The following FCGR2B variants were observed in gnomAD, a reference collection of about 807,000 sequenced individuals.
FCGR2B encodes the protein low affinity immunoglobulin gamma Fc region receptor II-b.
A neutral mutation model predicts 24.8 loss-of-function variants in FCGR2B; 18 were observed. The ratio of observed to expected loss-of-function variants is 0.73; its 90% CI spans 0.50 to 1.08. The LOEUF is 1.08. FCGR2B is among the 50% of genes least tolerant of loss of function. The pLI is 0.00. For synonymous variants in FCGR2B, 79 were observed against 109.8 expected, an observed-to-expected ratio of 0.72 and a Z score of 1.75; for missense variants, 215 against 297.6, an observed-to-expected ratio of 0.72 and a Z score of 2.04.
Position 161,672,613 on chromosome 1 carries a change from G to A in FCGR2B, c.392-362G>A, listed in dbSNP as rs1681767094. 9 of 358,274 alleles carry A rather than the reference G, an allele frequency of 2.5e-5. No individual in the cohort carries two copies. In the South Asian group the frequency reaches 3.5e-4, roughly 14 times the overall value. 22.2% of individuals were successfully genotyped at this position (358,274 alleles called of 1,614,324 possible). A position where few individuals can be genotyped will look rare whatever the true frequency, so the allele number is the denominator to read the frequency against. ...CTTCCCTCCTCGACATGGAAGAGAT[G>A]GCATCTTAGGGTCTCTTGTGTTCTT... On this transcript the variant is annotated intron_variant, in intron 3 of 7. Transcript: ENST00000358671.
the FCGR2B span, among the ~76,000 whole-genome samples, chr1:161,652,417 T>C: frequency 6.7e-5 from 9 of 134,040 alleles, 1 homozygote; most frequent in Non-Finnish European, 1.3e-4. Flanking sequence ...TCTTCTCTTT[T>C]ACTCTGTTTC....
At position 161,673,709 on chromosome 1, in the gene FCGR2B, G is replaced by A. The variant is rs1208530699; in HGVS notation, c.647-251G>A. The A allele has an allele frequency of 2.3e-5, 11 of 470,132 alleles. No individual in the cohort carries two copies. In the East Asian group the frequency reaches 3.1e-4, roughly 13 times the overall value. 29.1% of individuals were successfully genotyped at this position (470,132 alleles called of 1,614,324 possible). On this transcript the variant is annotated intron_variant, in intron 4 of 7. Coordinates refer to ENST00000358671, the MANE Select transcript of FCGR2B (RefSeq NM_001394477.1). Reference sequence around the variant, plus strand: ...CCACTGCCCCTGAGGGCTAAGGGGAGCCCTTCCCTCTGTTCCTGCCTGCTC... The same window carrying A: ...CCACTGCCCCTGAGGGCTAAGGGGAACCCTTCCCTCTGTTCCTGCCTGCTC...
chr1:161,655,866 T>TATTTATTTATTTATTTATTTATTG, the FCGR2B span, among the ~76,000 whole-genome samples: 1 of 81,480 alleles, frequency 1.2e-5, no homozygotes, highest in Non-Finnish European at 3.0e-5. Flanking sequence ...TTTATTTATT[T>TATTTATTTATTTATTTATTTATTG]ATTTTGAGAC....
chr1:161,661,241 AGAAAGAAAGAAAGAAAGAAAGG>A, upstream of FCGR2B, among the ~76,000 whole-genome samples: 1 of 80,888 alleles, frequency 1.2e-5, no homozygotes, highest in Non-Finnish European at 2.8e-5. Flanking sequence ...AAAGAAAGAA[AGAAAGAAAGAAAGAAAGAAAGG>A]AAGGAAGCAA....
Position 161,675,267 on chromosome 1 carries a change from A to T in FCGR2B, c.771A>T (p.Gly257=). 6.2e-7 allele frequency: 1 copy of T among 1,606,564 alleles called. No individual in the cohort carries two copies. Among genetic ancestry groups the T allele is most frequent in the Non-Finnish European group, 8.5e-7 (1 of 1,177,094 alleles). The change falls in exon 6 of 8, where the codon GGA becomes GGT. Residue 257 remains glycine, a synonymous_variant. Coordinates refer to ENST00000358671, the MANE Select transcript of FCGR2B (RefSeq NM_001394477.1). ...CRKKRISALP[G]YPECREMGET... Reference sequence around the variant, plus strand: ...GTGTGCCCCTCCCAGCTCTCCCAGGATACCCTGAGTGCAGGGAAATGGGAG... The same window carrying T: ...GTGTGCCCCTCCCAGCTCTCCCAGGTTACCCTGAGTGCAGGGAAATGGGAG...
At chr1:161,656,126 G>T in the FCGR2B span, among the ~76,000 whole-genome samples, 2 of 127,726 alleles carry the variant, frequency 1.6e-5, 1 homozygote, top group African/African-American at 5.3e-5. Flanking sequence ...CAAAGTGCTG[G>T]GATTACAGGC....
At chr1:161,661,189 GGAAAGAAAGAAAGAAA>G (rs201423251), upstream of FCGR2B, among the ~76,000 whole-genome samples, 3,295 of 69,842 alleles carry the variant, frequency 0.047, 156 homozygotes, top group Middle Eastern at 0.07. Flanking sequence ...AAGGAAGAAA[GGAAAGAAAGAAAGAAA>G]GAAAGAAAGA....
At chr1:161,661,182 G>A (rs143088849), upstream of FCGR2B, among the ~76,000 whole-genome samples, 1 of 98,184 alleles carries the variant, frequency 1.0e-5, no homozygotes, top group Non-Finnish European at 2.0e-5. Context: ...AGGAAGGAAG[G>A]AAGAAAGGAA....
chr1:161,656,144 G>A, the FCGR2B span, among the ~76,000 whole-genome samples: 62,441 of 106,462 alleles, frequency 0.59, 16,844 homozygotes, highest in Non-Finnish European at 0.63. Context: ...GGCATCAGGC[G>A]TCGTGCCCAG....
chr1:161,674,916 C>T (rs1681983909), intron 5 of FCGR2B: 1 of 216,058 alleles, frequency 4.6e-6, no homozygotes, highest in South Asian at 1.5e-4. Context: ...TCATAGCCAA[C>T]ACCTCAGTTA....
At chr1:161,647,828 T>C in the FCGR2B span, among the ~76,000 whole-genome samples, 7 of 151,094 alleles carry the variant, frequency 4.6e-5, 1 homozygote, top group African/African-American at 1.5e-4. Context: ...AACATTCTCC[T>C]CAGGTCAAGG....
upstream of FCGR2B, among the ~76,000 whole-genome samples, chr1:161,661,398 C>G (rs1404364735): frequency 8.6e-5 from 10 of 115,652 alleles, no homozygotes; most frequent in African/African-American, 3.6e-4. Flanking sequence ...ATTCCCCTAC[C>G]TGCTACTTTT....
Position 161,677,529 on chromosome 1 carries a change from G to T in FCGR2B, c.909G>T (p.Glu303Asp). The T allele has an allele frequency of 6.2e-7, 1 of 1,613,764 alleles. No homozygotes were observed. The highest frequency in any genetic ancestry group is 8.5e-7 in the Non-Finnish European group (1 of 1,179,746). Residue 303 changes from glutamate (E) to aspartate (D), a missense_variant, in exon 8 of 8, where the codon GAG becomes GAT. Physicochemically the swap from Glu to Asp is conservative, Grantham distance 45. Around this residue, in one of 5 missense-constraint regions of FCGR2B, gnomAD observed 81 missense variants for 81.6 expected, o/e 0.99. Coordinates refer to ENST00000358671, the MANE Select transcript of FCGR2B (RefSeq NM_001394477.1). ...SLLMHPDALEEPDDQNRI is the reference protein window; with the variant it reads ...SLLMHPDALEDPDDQNRI Reference sequence around the variant, plus strand: ...TCATGCACCCGGATGCTCTGGAAGAGCCTGATGACCAGAACCGTATTTAGT... The same window carrying T: ...TCATGCACCCGGATGCTCTGGAAGATCCTGATGACCAGAACCGTATTTAGT...
the FCGR2B span, among the ~76,000 whole-genome samples, chr1:161,656,258 A>C: frequency 6.8e-6 from 1 of 147,016 alleles, no homozygotes; most frequent in Admixed American, 7.0e-5. Flanking sequence ...TATCTTTCCC[A>C]TTGTAATGAG....
At chr1:161,675,509 G>C (rs1294881066) in intron 6 of FCGR2B, 196 bp downstream of exon 6, 1 of 469,896 alleles carries the variant, frequency 2.1e-6, no homozygotes, top group Non-Finnish European at 3.8e-6. Context: ...CTCTGGAGAT[G>C]AGAAGAGAAA....
At chr1:161,649,397 C>T in the FCGR2B span, among the ~76,000 whole-genome samples, 6 of 150,952 alleles carry the variant, frequency 4.0e-5, no homozygotes, top group Non-Finnish European at 7.4e-5. Flanking sequence ...TTTCTTGAGC[C>T]ATTTCAGCAC....
In FCGR2B at chr1:161,675,154, T is replaced by G. The variant is rs10917667; in HGVS notation, c.761-103T>G. 2.1e-3 allele frequency: 1,530 copies of G among 745,566 alleles called. 1 individual carries two copies. Among genetic ancestry groups the G allele is most frequent in the African/African-American group, 9.3e-3 (493 of 53,208 alleles). 46.2% of individuals were successfully genotyped at this position (745,566 alleles called of 1,614,324 possible). A position where few individuals can be genotyped will look rare whatever the true frequency, so the allele number is the denominator to read the frequency against. ...GGAGGACAGGAAACATCTGCCAGAGTGAAGGCCTGAGCTGGTCCCATCCAA... is the reference window on the plus strand; with the variant it reads ...GGAGGACAGGAAACATCTGCCAGAGGGAAGGCCTGAGCTGGTCCCATCCAA... On this transcript the variant is annotated intron_variant, in intron 5 of 7. Coordinates refer to ENST00000358671, the MANE Select transcript of FCGR2B (RefSeq NM_001394477.1).
chr1:161,670,852 G>A (rs1224416951), intron 2 of FCGR2B, among the ~76,000 whole-genome samples: 3 of 128,770 alleles, frequency 2.3e-5, no homozygotes. Context: ...GTGTGAGGAC[G>A]GGCCATCTTG....
chr1:161,652,941 C>T, the FCGR2B span, among the ~76,000 whole-genome samples: 1 of 134,182 alleles, frequency 7.5e-6, no homozygotes, highest in African/African-American at 2.6e-5. Context: ...TCTCAATTTT[C>T]CTGCACTACC....
Sources: allele counts gnomAD v4.1 joint callset (sites outside exome capture counted in the v4.1 genomes callset), GRCh38; gene constraint gnomAD v4.1.1; regional missense constraint gnomAD v4.1.1; transcripts MANE v1.5; gene names NCBI Gene and HGNC (gene_info 2026-07-23, HGNC 2026-07-21).